The following DLC1 variants were observed in gnomAD, a reference collection of about 807,000 sequenced individuals.
DLC1 encodes the protein DLC1 Rho GTPase activating protein.
DLC1 carries 54 observed loss-of-function variants against 140.3 expected under a neutral mutation model. The ratio of observed to expected loss-of-function variants is 0.38; its 90% CI spans 0.31 to 0.48. DLC1 has a LOEUF of 0.48. Among genes scored for constraint, DLC1 ranks in the 20% least tolerant of loss-of-function variants. The pLI, the probability that DLC1 is intolerant of heterozygous loss-of-function variation, is 0.96. For missense variants in DLC1, 2,536 were observed against 1,907.0 expected (o/e 1.33, Z -6.14); for synonymous variants, 986 against 728.1 (o/e 1.35, Z -5.70).
chr8:13,284,558 A>G (rs1433616201), intron 5 of DLC1, among the ~76,000 whole-genome samples: 1 of 149,814 alleles, frequency 6.7e-6, no homozygotes, highest in East Asian at 1.9e-4. Context: ...AAAAATAAAG[A>G]TAACAATAGA....
chr8:13,165,304 A>G (rs995313661), intron 5 of DLC1, among the ~76,000 whole-genome samples: 1 of 152,178 alleles, frequency 6.6e-6, no homozygotes, highest in Non-Finnish European at 1.5e-5. Flanking sequence ...AGAAAGAAGG[A>G]GATGAAAGAA....
chr8:13,400,319 C>T (rs1316592532), intron 3 of DLC1, among the ~76,000 whole-genome samples: 1 of 152,040 alleles, frequency 6.6e-6, no homozygotes, highest in African/African-American at 2.4e-5. Flanking sequence ...TTCATTTATG[C>T]CTCCCAACGA....
chr8:13,120,406 T>C (rs1820960983), intron 5 of DLC1, among the ~76,000 whole-genome samples: 1 of 142,442 alleles, frequency 7.0e-6, no homozygotes, highest in Admixed American at 7.3e-5. Context: ...ATATAATATA[T>C]TATGTAACAA....
At chr8:13,506,591 A>ATATATACACG (rs1802086085) in intron 1 of DLC1, among the ~76,000 whole-genome samples, 2 of 132,012 alleles carry the variant, frequency 1.5e-5, no homozygotes, top group African/African-American at 6.0e-5. Flanking sequence ...GTATATATAT[A>ATATATACACG]TATATATATA....
chr8:13,291,051 G>C (rs1301590722), intron 5 of DLC1, among the ~76,000 whole-genome samples: 5 of 152,322 alleles, frequency 3.3e-5, no homozygotes, highest in Middle Eastern at 3.4e-3. Flanking sequence ...GCGATTACAA[G>C]TATGTGCCAC....
At chr8:13,347,747 A>T (rs1834421028) in intron 4 of DLC1, among the ~76,000 whole-genome samples, 2 of 152,164 alleles carry the variant, frequency 1.3e-5, no homozygotes, top group Admixed American at 1.3e-4. Flanking sequence ...AACTCATTTC[A>T]ACATATGAAG....
At chr8:13,269,684 A>G (rs1313810053) in intron 5 of DLC1, among the ~76,000 whole-genome samples, 1 of 144,936 alleles carries the variant, frequency 6.9e-6, no homozygotes, top group Admixed American at 7.1e-5. Context: ...AACCTGGGAA[A>G]CAAAGCAAAA....
chr8:13,153,915 A>G (rs911487219), intron 5 of DLC1, among the ~76,000 whole-genome samples: 1 of 152,122 alleles, frequency 6.6e-6, no homozygotes, highest in Non-Finnish European at 1.5e-5. Flanking sequence ...AGTCCCCACT[A>G]GATTAGCTAG....
intron 5 of DLC1, among the ~76,000 whole-genome samples, chr8:13,300,529 C>T (rs780403916): frequency 1.3e-5 from 2 of 152,166 alleles, no homozygotes; most frequent in African/African-American, 4.8e-5. Flanking sequence ...TAGAGCTTCT[C>T]GTCCTCTTCG....
Position 13,129,993 on chromosome 8 carries a change from T to C in DLC1, c.1349-14336A>G, listed in dbSNP as rs79692792. 3.7e-3 allele frequency among the ~76,000 whole-genome samples: 568 copies of C among 152,264 alleles called. 2 individuals carry two copies. Among genetic ancestry groups the C allele is most frequent in the African/African-American group, 0.013 (551 of 41,552 alleles). ...AAGCATGAGAAACTTGTGTTGACAA[T>C]ACTGGACCATCCTGTCCAGCACAAG... On this transcript the variant is annotated intron_variant, in intron 5 of 17. Transcript: ENST00000276297.
At chr8:13,367,938 C>G (rs1011685415) in intron 4 of DLC1, among the ~76,000 whole-genome samples, 6 of 152,170 alleles carry the variant, frequency 3.9e-5, no homozygotes, top group Non-Finnish European at 8.8e-5. Context: ...AACATAGACT[C>G]TCTTCAAATC....
chr8:13,240,586 C>T (rs1829504470), intron 5 of DLC1, among the ~76,000 whole-genome samples: 1 of 151,990 alleles, frequency 6.6e-6, no homozygotes, highest in African/African-American at 2.4e-5. Flanking sequence ...CCACCACGCC[C>T]CTCTAATTTT....
intron 2 of DLC1, among the ~76,000 whole-genome samples, chr8:13,444,314 G>A (rs950127627): frequency 1.1e-4 from 16 of 152,130 alleles, no homozygotes; most frequent in Non-Finnish European, 1.8e-4. Flanking sequence ...GTGCGGGTTG[G>A]GGGAGGGATA....
intron 5 of DLC1, among the ~76,000 whole-genome samples, chr8:13,263,743 C>T (rs958402800): frequency 2.0e-5 from 3 of 151,054 alleles, no homozygotes; most frequent in Non-Finnish European, 4.4e-5. Flanking sequence ...ACCACTTTTA[C>T]AGCATTTGAA....
At chr8:13,573,998 G>A (rs1222008013) in intron 1 of DLC1, among the ~76,000 whole-genome samples, 1 of 152,094 alleles carries the variant, frequency 6.6e-6, no homozygotes, top group African/African-American at 2.4e-5. Flanking sequence ...GGTGCTCAAT[G>A]AAACTTTCAT....
intron 5 of DLC1, among the ~76,000 whole-genome samples, chr8:13,123,360 C>A (rs191799145): frequency 5.3e-5 from 8 of 151,572 alleles, no homozygotes; most frequent in African/African-American, 1.9e-4. Flanking sequence ...TGGTTGTTGA[C>A]AAGGAGTCTC....
chr8:13,167,815 C>G (rs1585823844), intron 5 of DLC1, among the ~76,000 whole-genome samples: 1 of 152,208 alleles, frequency 6.6e-6, no homozygotes, highest in South Asian at 2.1e-4. Flanking sequence ...GTAACTCCAA[C>G]TGGGAAGTAT....
chr8:13,345,730 T>C (rs368615035), intron 4 of DLC1, among the ~76,000 whole-genome samples: 1 of 151,772 alleles, frequency 6.6e-6, no homozygotes, highest in East Asian at 2.0e-4. Flanking sequence ...GCTCATTTTT[T>C]ATGTTTTTGG....
intron 5 of DLC1, among the ~76,000 whole-genome samples, chr8:13,124,055 TAC>T (rs553401025): frequency 4.6e-5 from 7 of 152,346 alleles, no homozygotes; most frequent in Admixed American, 1.3e-4. Flanking sequence ...CAATAAGTGA[TAC>T]AGTCTTATAT....
Sources: allele counts gnomAD v4.1 joint callset (sites outside exome capture counted in the v4.1 genomes callset), GRCh38; gene constraint gnomAD v4.1.1; transcripts MANE v1.5; gene names NCBI Gene and HGNC (gene_info 2026-07-23, HGNC 2026-07-21).